Variants in ACER1 observed in about 807,000 individuals in gnomAD.
ACER1 encodes the protein alkaline ceramidase 1.
A neutral mutation model predicts 24.9 loss-of-function variants in ACER1; 28 were observed. The observed-to-expected ratio is 1.13, with a 90% confidence interval of 0.83 to 1.54. ACER1 has a LOEUF of 1.54. ACER1 is among the 40% of genes most tolerant of loss of function. The probability of loss-of-function intolerance (pLI) is 0.00; values close to 1 mark genes in which losing one functional copy is unlikely to be tolerated. For synonymous variants in ACER1, 132 were observed against 131.4 expected, an observed-to-expected ratio of 1.00 and a Z score of -0.03; for missense variants, 352 against 349.3, an observed-to-expected ratio of 1.01 and a Z score of -0.06.
chr19:6,331,532 G>C (rs968192688), intron 1 of ACER1, among the ~76,000 whole-genome samples: 7 of 150,086 alleles, frequency 4.7e-5, no homozygotes, highest in African/African-American at 9.7e-5. Flanking sequence ...CGTGGCTCAC[G>C]CCTGTAATCC....
chr19:6,307,061 C>G, intron 5 of ACER1, 92 bp downstream of exon 5: 3 of 1,563,724 alleles, frequency 1.9e-6, no homozygotes, highest in African/African-American at 2.7e-5. Flanking sequence ...CTCTCTGCTT[C>G]TCCAACCCCA....
At chr19:6,324,905 A>AAGG (rs2091653249) in intron 1 of ACER1, among the ~76,000 whole-genome samples, 1 of 150,718 alleles carries the variant, frequency 6.6e-6, no homozygotes, top group African/African-American at 2.4e-5. Context: ...GGAAGGAAGG[A>AAGG]AGGAAGGAGG....
At chr19:6,346,826 G>A in the ACER1 span, among the ~76,000 whole-genome samples, 4 of 151,610 alleles carry the variant, frequency 2.6e-5, no homozygotes, top group Admixed American at 2.0e-4. Flanking sequence ...ACATCACAGC[G>A]GAGATTACTC....
the ACER1 span, among the ~76,000 whole-genome samples, chr19:6,339,317 C>T: frequency 3.9e-5 from 6 of 152,148 alleles, no homozygotes; most frequent in South Asian, 2.1e-4. Context: ...CAGGCAACAA[C>T]GTGGATGGAC....
intron 4 of ACER1, among the ~76,000 whole-genome samples, 153 bp downstream of exon 4, chr19:6,309,544 A>T (rs2144995827): frequency 6.6e-6 from 1 of 151,314 alleles, no homozygotes; most frequent in African/African-American, 2.5e-5. Flanking sequence ...AATAATAAGG[A>T]CAAACTCTGC....
intron 1 of ACER1, among the ~76,000 whole-genome samples, chr19:6,326,569 G>C (rs188910688): frequency 4.6e-5 from 7 of 151,906 alleles, no homozygotes; most frequent in Admixed American, 6.6e-5. Flanking sequence ...TTGCCCCCCA[G>C]AGCATTGTTG....
chr19:6,347,960 TG>T, the ACER1 span, among the ~76,000 whole-genome samples: 4 of 146,022 alleles, frequency 2.7e-5, no homozygotes, highest in South Asian at 6.7e-4. Context: ...GAGGCCAAGG[TG>T]GGGGGCGGAT....
At chr19:6,338,318 T>C (rs890281834), upstream of ACER1, among the ~76,000 whole-genome samples, 12 of 151,980 alleles carry the variant, frequency 7.9e-5, no homozygotes, top group Admixed American at 1.3e-4. Flanking sequence ...GTTACAATTG[T>C]GGTTGTGTTT....
At position 6,333,603 on chromosome 19, in the gene ACER1, G is replaced by A. The variant is rs2091700779; in HGVS notation, c.-52C>T. ...GCTGCGCCCGGCAGAGAGAAGGCGA[G>A]CTTGGGAAGGCTGGGCCCTGATGAG... On this transcript the variant is annotated 5_prime_UTR_variant, in exon 1 of 6. Coordinates refer to ENST00000301452, the MANE Select transcript of ACER1 (RefSeq NM_133492.3). 6.8e-7 allele frequency: 1 copy of A among 1,478,248 alleles called. No individual in the cohort carries two copies. The highest frequency in any genetic ancestry group is 2.5e-5 in the East Asian group (1 of 40,202). 91.6% of individuals were successfully genotyped at this position (1,478,248 alleles called of 1,614,324 possible).
chr19:6,329,499 G>GGAT (rs1236292911), intron 1 of ACER1, among the ~76,000 whole-genome samples: 6 of 152,128 alleles, frequency 3.9e-5, no homozygotes, highest in Admixed American at 3.9e-4. Flanking sequence ...GGCAGGTACA[G>GGAT]GATGATGATG....
chr19:6,325,531 T>G (rs117970765), intron 1 of ACER1, among the ~76,000 whole-genome samples: 3,098 of 152,276 alleles, frequency 0.02, 37 homozygotes, highest in Non-Finnish European at 0.031. Context: ...GCAGGTGCTA[T>G]AATCCCAGCT....
At chr19:6,358,582 G>A in the ACER1 span, among the ~76,000 whole-genome samples, 5 of 148,516 alleles carry the variant, frequency 3.4e-5, no homozygotes, top group East Asian at 6.0e-4. Flanking sequence ...AGCCGAGACC[G>A]CACCACTGCA....
intron 1 of ACER1, among the ~76,000 whole-genome samples, chr19:6,321,755 G>T (rs1451677812): frequency 6.6e-6 from 1 of 152,142 alleles, no homozygotes. Context: ...CTACAGACAC[G>T]TGCCACCACA....
At position 6,316,968 on chromosome 19, in the gene ACER1, C is replaced by CTTTT. The variant is rs71174911; in HGVS notation, c.94-4473_94-4470dup. On this transcript the variant is annotated intron_variant, in intron 1 of 5. Transcript: ENST00000301452. Reference sequence around the variant, plus strand: ...GAAACAAGTCTCTTTCCCTCCCCATCTTTTTTTTTTTTTTTTTTTTTCTGA... The same window carrying CTTTT: ...GAAACAAGTCTCTTTCCCTCCCCATCTTTTTTTTTTTTTTTTTTTTTTTTTCTGA... Among the ~76,000 whole-genome samples, 45 of 117,206 alleles carry CTTTT rather than the reference C, an allele frequency of 3.8e-4. 2 individuals carry two copies. Among genetic ancestry groups the CTTTT allele is most frequent in the East Asian group, 1.1e-3 (4 of 3,696 alleles). 76.9% of individuals were successfully genotyped at this position (117,206 alleles called of 152,430 possible).
intron 5 of ACER1, 54 bp from the exon 6 acceptor site, chr19:6,306,936 C>A: frequency 6.4e-7 from 1 of 1,568,274 alleles, no homozygotes; most frequent in South Asian, 1.2e-5. Context: ...CAGCCTCACG[C>A]CGGCCCTCTT....
At chr19:6,333,314 C>T in intron 1 of ACER1, 145 bp downstream of exon 1, 1 of 588,156 alleles carries the variant, frequency 1.7e-6, no homozygotes, top group South Asian at 2.7e-5. Context: ...TGAATGAAAG[C>T]TGGCACTCTT....
Position 6,309,601 on chromosome 19 carries a change from T to C in ACER1, c.488+96A>G, listed in dbSNP as rs2091567553. ...GGCCCTGCTACTTGTTAGTGGGTGA[T>C]CTTGGAGAAGGGACGTCCCCTCCGC... On this transcript the variant is annotated intron_variant, in intron 4 of 5. Transcript: ENST00000301452. The C allele has an allele frequency of 3.3e-6, 5 of 1,499,960 alleles. No homozygotes were observed. In the South Asian group the frequency reaches 5.9e-5, roughly 18 times the overall value. 92.9% of individuals were successfully genotyped at this position (1,499,960 alleles called of 1,614,324 possible).
At chr19:6,331,966 ATT>A (rs113359211) in intron 1 of ACER1, among the ~76,000 whole-genome samples, 24 of 133,684 alleles carry the variant, frequency 1.8e-4, no homozygotes, top group African/African-American at 3.5e-4. Context: ...GTGCATTCCT[ATT>A]TTTTTTTTTT....
the ACER1 span, among the ~76,000 whole-genome samples, chr19:6,351,350 G>A: frequency 2.0e-5 from 3 of 151,052 alleles, no homozygotes; most frequent in South Asian, 6.3e-4. Context: ...TGGGCAAAAA[G>A]AGTGAAACTC....
Sources: allele counts gnomAD v4.1 joint callset (sites outside exome capture counted in the v4.1 genomes callset), GRCh38; gene constraint gnomAD v4.1.1; transcripts MANE v1.5; gene names NCBI Gene and HGNC (gene_info 2026-07-23, HGNC 2026-07-21).